The following PTPRD variants were observed in gnomAD, a reference collection of about 807,000 sequenced individuals.
PTPRD encodes the protein receptor-type tyrosine-protein phosphatase delta.
Under a neutral mutation model 214.5 loss-of-function variants are expected in PTPRD, and 34 were observed. That is an observed-to-expected ratio of 0.16 (90% CI 0.12 to 0.21). PTPRD has a LOEUF of 0.21. Ranked by LOEUF, PTPRD falls within the 10% of genes least tolerant of loss-of-function variation. PTPRD has a pLI of 1.00. For synonymous variants in PTPRD, 1,128 were observed against 845.7 expected (o/e 1.33, Z -5.79); for missense variants, 2,545 against 2,398.7 (o/e 1.06, Z -1.27).
At chr9:8,558,011 T>A (rs908977621) in intron 14 of PTPRD, among the ~76,000 whole-genome samples, 1 of 152,086 alleles carries the variant, frequency 6.6e-6, no homozygotes, top group East Asian at 1.9e-4. Context: ...TGAAAAAAAA[T>A]TATGTAACTA....
chr9:10,082,877 T>C (rs1280888738), intron 3 of PTPRD, among the ~76,000 whole-genome samples: 6 of 150,872 alleles, frequency 4.0e-5, no homozygotes, highest in Non-Finnish European at 8.9e-5. Context: ...TAGATTTATT[T>C]TGGGGTTGTC....
intron 11 of PTPRD, among the ~76,000 whole-genome samples, chr9:8,762,769 G>A (rs1482180351): frequency 6.6e-6 from 1 of 152,088 alleles, no homozygotes; most frequent in East Asian, 1.9e-4. Flanking sequence ...TCTCTTTATG[G>A]CAGGGAGAAA....
chr9:9,428,364 A>G (rs983286534), intron 8 of PTPRD, among the ~76,000 whole-genome samples: 3 of 152,238 alleles, frequency 2.0e-5, no homozygotes, highest in Non-Finnish European at 4.4e-5. Flanking sequence ...AGAGCTAACT[A>G]TCCTAAATAT....
At chr9:9,684,185 C>T (rs927332535) in intron 7 of PTPRD, among the ~76,000 whole-genome samples, 1 of 151,650 alleles carries the variant, frequency 6.6e-6, no homozygotes, top group Non-Finnish European at 1.5e-5. Context: ...GACCTTTTAA[C>T]ATTTTATGTC....
chr9:9,646,830 G>A (rs1187843741), intron 7 of PTPRD, among the ~76,000 whole-genome samples: 1 of 152,094 alleles, frequency 6.6e-6, no homozygotes, highest in African/African-American at 2.4e-5. Flanking sequence ...CAATAACTAA[G>A]AATAGAACAA....
intron 4 of PTPRD, among the ~76,000 whole-genome samples, chr9:9,955,897 T>A (rs185608014): frequency 6.6e-6 from 1 of 152,284 alleles, no homozygotes. Context: ...TAACTACATG[T>A]TCCTGAAACA....
At chr9:10,202,476 A>T (rs2099429996) in intron 3 of PTPRD, among the ~76,000 whole-genome samples, 1 of 138,638 alleles carries the variant, frequency 7.2e-6, no homozygotes. Flanking sequence ...GATACTAAAT[A>T]AAATGAAAAA....
intron 7 of PTPRD, among the ~76,000 whole-genome samples, chr9:9,622,312 C>T (rs553000911): frequency 1.8e-4 from 27 of 152,250 alleles, no homozygotes; most frequent in African/African-American, 6.0e-4. Flanking sequence ...ACATATACCA[C>T]GCAATCAAGT....
At chr9:8,969,724 G>A (rs2099224652) in intron 11 of PTPRD, among the ~76,000 whole-genome samples, 1 of 151,972 alleles carries the variant, frequency 6.6e-6, no homozygotes, top group Middle Eastern at 3.4e-3. Context: ...AAATAAAACT[G>A]ACCAATATTG....
chr9:8,567,876 A>G (rs1233745010), intron 14 of PTPRD, among the ~76,000 whole-genome samples: 1 of 152,176 alleles, frequency 6.6e-6, no homozygotes, highest in African/African-American at 2.4e-5. Context: ...TCCAAGCCAC[A>G]CAATTTATTC....
intron 5 of PTPRD, among the ~76,000 whole-genome samples, chr9:9,897,155 CACACA>C (rs775008246): frequency 0.014 from 2,178 of 151,844 alleles, 56 homozygotes; most frequent in African/African-American, 0.05. Flanking sequence ...CACACACACA[CACACA>C]CCGCTGCTAA....
intron 3 of PTPRD, among the ~76,000 whole-genome samples, chr9:10,131,427 A>C (rs527329786): frequency 7.2e-5 from 11 of 152,172 alleles, no homozygotes; most frequent in Non-Finnish European, 1.5e-4. Context: ...TCAAGTGCTT[A>C]ACAAATATTG....
chr9:10,539,674 A>T (rs998000313), intron 2 of PTPRD, among the ~76,000 whole-genome samples: 1 of 152,188 alleles, frequency 6.6e-6, no homozygotes, highest in African/African-American at 2.4e-5. Context: ...TGAGCACACA[A>T]GCCCCTCATC....
intron 31 of PTPRD, among the ~76,000 whole-genome samples, chr9:8,466,938 A>G (rs577856365): frequency 3.3e-5 from 5 of 151,956 alleles, no homozygotes; most frequent in Middle Eastern, 3.4e-3. Flanking sequence ...AAATGGCTTC[A>G]GACTGTATAT....
intron 5 of PTPRD, among the ~76,000 whole-genome samples, chr9:9,790,119 G>C (rs898378957): frequency 6.6e-6 from 1 of 152,226 alleles, no homozygotes; most frequent in African/African-American, 2.4e-5. Flanking sequence ...ATCTGGCTGG[G>C]AATCTAGACT....
chr9:10,302,560 A>T lies in PTPRD; in HGVS notation c.-545+38403T>A, dbSNP rs188176897. On this transcript the variant is annotated intron_variant, in intron 3 of 45. Coordinates refer to ENST00000381196, the MANE Select transcript of PTPRD (RefSeq NM_002839.4). ...ACACACATATGCTCAAAATAGAGGG[A>T]TGGAGAAATATTTACCAAGCAAATA... Among the ~76,000 whole-genome samples the T allele has an allele frequency of 2.3e-4, 35 of 152,326 alleles. 1 individual carries two copies. The East Asian group carries it at 6.7e-3, about 29-fold the overall frequency.
chr9:9,058,124 C>A (rs1172209465), intron 10 of PTPRD, among the ~76,000 whole-genome samples: 1 of 151,924 alleles, frequency 6.6e-6, no homozygotes, highest in Non-Finnish European at 1.5e-5. Flanking sequence ...AGAAGTCTTC[C>A]AAATAAATAA....
intron 11 of PTPRD, among the ~76,000 whole-genome samples, chr9:8,741,382 T>C (rs540325811): frequency 4.6e-5 from 7 of 152,208 alleles, no homozygotes; most frequent in African/African-American, 1.7e-4. Flanking sequence ...AAACTGGCAA[T>C]GAAACGGTTA....
chr9:9,268,970 C>T (rs954158477), intron 9 of PTPRD, among the ~76,000 whole-genome samples: 1 of 149,060 alleles, frequency 6.7e-6, no homozygotes, highest in East Asian at 2.0e-4. Context: ...GGAAATGACC[C>T]GAAAAGCACA....
Sources: gnomAD v4.1 joint callset for allele counts (sites outside exome capture counted in the v4.1 genomes callset) on GRCh38, gnomAD v4.1.1 for gene constraint, MANE v1.5 for transcripts, NCBI Gene and HGNC (gene_info 2026-07-23, HGNC 2026-07-21) for gene names.